The following CA10 variants were observed in gnomAD, a reference collection of about 807,000 sequenced individuals.
The protein encoded by CA10 is carbonic anhydrase-related protein 10.
In CA10, 14 loss-of-function variants were observed where a neutral mutation model predicts 44.2. The ratio of observed to expected loss-of-function variants is 0.32; its 90% CI spans 0.21 to 0.50. CA10 has a LOEUF of 0.50. Ranked by LOEUF, CA10 falls within the 20% of genes least tolerant of loss-of-function variation. The pLI, the probability that CA10 is intolerant of heterozygous loss-of-function variation, is 0.99. For synonymous variants in CA10, 159 were observed against 141.6 expected (o/e 1.12, Z -0.87); for missense variants, 350 against 409.7 (o/e 0.85, Z 1.26).
chr17:51,694,116 A>C (rs557030927), intron 4 of CA10, among the ~76,000 whole-genome samples: 10 of 152,218 alleles, frequency 6.6e-5, no homozygotes, highest in African/African-American at 2.2e-4. Context: ...AGGCAGGAGA[A>C]TCGCTTGAAC....
At chr17:52,005,079 A>G (rs1008725297) in intron 2 of CA10, among the ~76,000 whole-genome samples, 7 of 152,004 alleles carry the variant, frequency 4.6e-5, no homozygotes, top group Admixed American at 6.6e-5. Flanking sequence ...GAAGTATATA[A>G]CCAAGATCCT....
Position 52,150,512 on chromosome 17 carries a change from G to A in CA10, c.61+7214C>T, listed in dbSNP as rs184771119. The stretch of plus-strand genomic sequence containing the variant: ...TCAATAAATGTTGAATGATTAAGTG[G>A]ACAATGAAAACCATTTCATTTAGGT... On this transcript the variant is annotated intron_variant, in intron 1 of 8. Transcript: ENST00000451037. Among the ~76,000 whole-genome samples the A allele has an allele frequency of 1.3e-3, 205 of 152,174 alleles. 1 individual carries two copies. Among genetic ancestry groups the A allele is most frequent in the Admixed American group, 9.5e-3 (145 of 15,284 alleles).
intron 6 of CA10, among the ~76,000 whole-genome samples, chr17:51,640,368 TC>T (rs1445849969): frequency 6.6e-6 from 1 of 151,878 alleles, no homozygotes; most frequent in Non-Finnish European, 1.5e-5. Context: ...GCCTACCATC[TC>T]CCCCCTATGT....
intron 3 of CA10, among the ~76,000 whole-genome samples, chr17:51,848,088 G>A (rs1978578425): frequency 6.6e-6 from 1 of 152,140 alleles, no homozygotes; most frequent in East Asian, 1.9e-4. Context: ...AAATCTCAGT[G>A]ATTGAGATAA....
intron 4 of CA10, among the ~76,000 whole-genome samples, chr17:51,731,577 C>G (rs1187340231): frequency 7.0e-6 from 1 of 143,240 alleles, no homozygotes; most frequent in Non-Finnish European, 1.5e-5. Flanking sequence ...AGACCACATA[C>G]CTAAAGTCCG....
At chr17:51,950,920 A>C (rs1377317107) in intron 2 of CA10, among the ~76,000 whole-genome samples, 1 of 152,158 alleles carries the variant, frequency 6.6e-6, no homozygotes, top group Admixed American at 6.5e-5. Flanking sequence ...GATAGTGCAC[A>C]GCATTTAGTA....
chr17:51,906,160 T>G (rs1177938080), intron 3 of CA10, among the ~76,000 whole-genome samples: 1 of 152,142 alleles, frequency 6.6e-6, no homozygotes, highest in African/African-American at 2.4e-5. Flanking sequence ...TCCCTATTTC[T>G]CTCTAGCTAG....
intron 3 of CA10, among the ~76,000 whole-genome samples, chr17:51,929,081 T>C (rs975075156): frequency 2.0e-5 from 3 of 152,128 alleles, no homozygotes; most frequent in African/African-American, 4.8e-5. Flanking sequence ...CTTTCCTGAA[T>C]TGGAAAGATA....
intron 1 of CA10, among the ~76,000 whole-genome samples, chr17:52,107,947 C>T (rs139417121): frequency 1.4e-4 from 22 of 151,988 alleles, no homozygotes; most frequent in African/African-American, 4.6e-4. Flanking sequence ...ATGCCACATA[C>T]AACAATGTAA....
chr17:51,872,175 C>A (rs1399553212), intron 3 of CA10, among the ~76,000 whole-genome samples: 1 of 152,198 alleles, frequency 6.6e-6, no homozygotes, highest in Non-Finnish European at 1.5e-5. Flanking sequence ...GCCTGTGCTC[C>A]CATAAGTCTC....
intron 3 of CA10, among the ~76,000 whole-genome samples, chr17:51,843,890 C>T (rs370241791): frequency 6.6e-6 from 1 of 152,132 alleles, no homozygotes; most frequent in African/African-American, 2.4e-5. Context: ...AAATAGTCAT[C>T]ACTGAATTGA....
chr17:51,723,457 G>A (rs1567817579), intron 4 of CA10, among the ~76,000 whole-genome samples: 1 of 152,228 alleles, frequency 6.6e-6, no homozygotes, highest in African/African-American at 2.4e-5. Context: ...CTGGTGCCTG[G>A]GATTGGTGCC....
intron 4 of CA10, among the ~76,000 whole-genome samples, chr17:51,675,638 C>A (rs1016604191): frequency 1.3e-5 from 2 of 151,512 alleles, no homozygotes; most frequent in Non-Finnish European, 2.9e-5. Flanking sequence ...ATTGCTTGAA[C>A]CCTGGGGGCG....
chr17:51,994,790 C>T (rs1367270169), intron 2 of CA10, among the ~76,000 whole-genome samples: 2 of 151,860 alleles, frequency 1.3e-5, no homozygotes, highest in East Asian at 3.9e-4. Context: ...GTATGGACTT[C>T]CAGCAAAAAG....
chr17:51,846,441 C>T (rs376849255), intron 3 of CA10, among the ~76,000 whole-genome samples: 2 of 152,206 alleles, frequency 1.3e-5, no homozygotes, highest in South Asian at 2.1e-4. Flanking sequence ...ATCTTATGTG[C>T]CCCTTGTTGC....
chr17:52,101,640 T>C lies in CA10; in HGVS notation c.62-29247A>G, dbSNP rs564794893. ...CAATAAAAAATTATAATATTTCTTA[T>C]GTTAACCAACAAAGTCTCTAGGTAG... On this transcript the variant is annotated intron_variant, in intron 1 of 8. Transcript: ENST00000451037. Among the ~76,000 whole-genome samples, 14 of 152,286 alleles carry C rather than the reference T, an allele frequency of 9.2e-5. No individual in the cohort carries two copies. In the East Asian group the frequency reaches 2.5e-3, roughly 27 times the overall value.
At chr17:51,949,246 T>C (rs1983395861) in intron 2 of CA10, among the ~76,000 whole-genome samples, 1 of 152,180 alleles carries the variant, frequency 6.6e-6, no homozygotes, top group Non-Finnish European at 1.5e-5. Flanking sequence ...TTATATAATA[T>C]GTGTAATTCA....
intron 3 of CA10, among the ~76,000 whole-genome samples, chr17:51,925,854 T>C (rs1390382504): frequency 6.6e-6 from 1 of 152,158 alleles, no homozygotes; most frequent in Non-Finnish European, 1.5e-5. Flanking sequence ...ATAAATATTA[T>C]GTAATTCTAC....
intron 3 of CA10, among the ~76,000 whole-genome samples, chr17:51,795,815 C>A (rs962727368): frequency 1.3e-5 from 2 of 152,214 alleles, no homozygotes; most frequent in East Asian, 1.9e-4. Flanking sequence ...GTGTCCTGGG[C>A]AGTTGTAGGA....
Sources: allele counts gnomAD v4.1 joint callset (sites outside exome capture counted in the v4.1 genomes callset), GRCh38; gene constraint gnomAD v4.1.1; transcripts MANE v1.5; gene names NCBI Gene and HGNC (gene_info 2026-07-23, HGNC 2026-07-21).